Variants in MAGOHB observed in about 807,000 individuals in gnomAD.
MAGOHB encodes the protein protein mago nashi homolog 2.
Under a neutral mutation model 20.9 loss-of-function variants are expected in MAGOHB, and 15 were observed. The ratio of observed to expected loss-of-function variants is 0.72; its 90% CI spans 0.48 to 1.11. MAGOHB has a LOEUF of 1.11. Among genes scored for constraint, MAGOHB ranks in the 50% least tolerant of loss-of-function variants. The probability of loss-of-function intolerance (pLI) is 0.00; values close to 1 mark genes in which losing one functional copy is unlikely to be tolerated. For missense variants in MAGOHB, 162 were observed against 177.6 expected (o/e 0.91, Z 0.50); for synonymous variants, 50 against 57.9 (o/e 0.86, Z 0.62).
At chr12:10,609,411 T>C (rs915612390) in intron 3 of MAGOHB, 4 of 442,190 alleles carry the variant, frequency 9.0e-6, no homozygotes, top group Non-Finnish European at 1.8e-5. Context: ...GGAAATGCAA[T>C]CATCAGTTTT....
At chr12:10,610,021 T>G in intron 2 of MAGOHB, 80 bp from the exon 3 acceptor site, 1 of 713,936 alleles carries the variant, frequency 1.4e-6, no homozygotes, top group Non-Finnish European at 2.3e-6. Context: ...TTACAAACCC[T>G]GAATATCCAA....
intron 1 of MAGOHB, among the ~76,000 whole-genome samples, chr12:10,611,024 G>A (rs181345144): frequency 1.2e-4 from 19 of 152,264 alleles, no homozygotes; most frequent in Non-Finnish European, 2.2e-4. Flanking sequence ...GGTGCTAAGT[G>A]CCTCACCCAG....
Position 10,606,191 on chromosome 12 carries a change from T to C in MAGOHB, c.*84A>G. 1.4e-6 allele frequency: 1 copy of C among 726,496 alleles called. No individual in the cohort carries two copies. Among genetic ancestry groups the C allele is most frequent in the South Asian group, 2.2e-5 (1 of 46,380 alleles). The allele number at this position is 726,496 out of a possible 1,614,324, so 45.0% of individuals were successfully genotyped here. On this transcript the variant is annotated 3_prime_UTR_variant, in exon 5 of 5. Coordinates refer to ENST00000320756, the MANE Select transcript of MAGOHB (RefSeq NM_018048.5). ...ACAAATTTTTTTTGTTTGCTTCACA[T>C]TCATAAAAACCCCAATACTGTAAAT...
At chr12:10,609,751 A>G (rs1452691829) in intron 3 of MAGOHB, 80 bp downstream of exon 3, 2 of 890,010 alleles carry the variant, frequency 2.2e-6, no homozygotes, top group African/African-American at 1.7e-5. Context: ...ACTTAGACTC[A>G]TTCCAAATAA....
At chr12:10,601,219 G>T (rs1432073074), downstream of MAGOHB, among the ~76,000 whole-genome samples, 1 of 152,116 alleles carries the variant, frequency 6.6e-6, no homozygotes, top group African/African-American at 2.4e-5. Flanking sequence ...AAAGGTGACA[G>T]AGATACTGTC....
chr12:10,612,635 T>G (rs990326874), intron 1 of MAGOHB: 1 of 1,135,638 alleles, frequency 8.8e-7, no homozygotes, highest in Non-Finnish European at 1.1e-6. Context: ...TACTCATTAC[T>G]GTACCTTAAA....
intron 4 of MAGOHB, 25 bp downstream of exon 4, chr12:10,607,824 AACTTC>A (rs1212245580): frequency 7.5e-7 from 1 of 1,328,766 alleles, no homozygotes; most frequent in South Asian, 1.3e-5. Context: ...TAATAATGAA[AACTTC>A]GCCAAAATGC....
chr12:10,601,805 G>A (rs1865557779), downstream of MAGOHB, among the ~76,000 whole-genome samples: 1 of 152,156 alleles, frequency 6.6e-6, no homozygotes, highest in Non-Finnish European at 1.5e-5. Flanking sequence ...AGTATCACAC[G>A]CTTCATAGGC....
downstream of MAGOHB, among the ~76,000 whole-genome samples, chr12:10,602,784 T>A (rs554174624): frequency 6.6e-6 from 1 of 152,324 alleles, no homozygotes; most frequent in Non-Finnish European, 1.5e-5. Context: ...TACCGTTAGC[T>A]AGAAGCTTAG....
At chr12:10,612,996 A>G in intron 1 of MAGOHB, 1 of 1,219,354 alleles carries the variant, frequency 8.2e-7, no homozygotes. Context: ...GAACAATTAC[A>G]CGTAAACACC....
chr12:10,601,656 C>G (rs886672997), downstream of MAGOHB, among the ~76,000 whole-genome samples: 6 of 152,188 alleles, frequency 3.9e-5, no homozygotes, highest in African/African-American at 1.4e-4. Context: ...CTAACTACAA[C>G]CTGGCATATA....
In MAGOHB at chr12:10,607,899, A is replaced by G; in HGVS notation, c.302T>C (p.Phe101Ser). 6.3e-7 allele frequency: 1 copy of G among 1,592,312 alleles called. No homozygotes were observed. Among genetic ancestry groups the G allele is most frequent in the Non-Finnish European group, 8.6e-7 (1 of 1,168,414 alleles). ...EIVIGDEHIS[F>S]TTSKIGSLID... ...AAGAGAACCTATTTTTGATGTGGTAAAAGATATGTGCTCATCTCCAATTAC... is the reference window on the plus strand; with the variant it reads ...AAGAGAACCTATTTTTGATGTGGTAGAAGATATGTGCTCATCTCCAATTAC... Residue 101 changes from phenylalanine (F) to serine (S), a missense_variant, in exon 4 of 5, where the codon TTT becomes TCT. By Grantham distance (155) the Phe-to-Ser change is radical (BLOSUM62 -2). Coordinates refer to ENST00000320756, the MANE Select transcript of MAGOHB (RefSeq NM_018048.5).
chr12:10,604,129 T>C (rs1865583020), downstream of MAGOHB: 1 of 152,242 alleles, frequency 6.6e-6, no homozygotes, highest in Non-Finnish European at 1.5e-5. Flanking sequence ...GCTAGGGTTC[T>C]GCACTATCTC....
intron 1 of MAGOHB, among the ~76,000 whole-genome samples, chr12:10,611,197 T>C (rs1301027669): frequency 1.3e-5 from 2 of 152,170 alleles, no homozygotes; most frequent in African/African-American, 4.8e-5. Flanking sequence ...TACACCAAAA[T>C]GTTCTCTTTT....
At position 10,604,872 on chromosome 12, in the gene MAGOHB, A is replaced by G. The variant is rs1433914200; in HGVS notation, c.*1403T>C. On this transcript the variant is annotated 3_prime_UTR_variant, in exon 5 of 5. Transcript: ENST00000320756. ...AGTGCTCCATGGCAAACAGGTTACCAAGCCATGCTCTAGAGCTATACTGTC... is the reference window on the plus strand; with the variant it reads ...AGTGCTCCATGGCAAACAGGTTACCGAGCCATGCTCTAGAGCTATACTGTC... 2.0e-5 allele frequency: 3 copies of G among 152,184 alleles called. No homozygotes were observed. Among genetic ancestry groups the G allele is most frequent in the Admixed American group, 1.3e-4 (2 of 15,284 alleles). 9.4% of individuals were successfully genotyped at this position (152,184 alleles called of 1,614,324 possible).
chr12:10,607,969 T>C (rs1432077528), intron 3 of MAGOHB, 33 bp from the exon 4 acceptor site: 3 of 1,290,012 alleles, frequency 2.3e-6, no homozygotes, highest in South Asian at 1.3e-5. Context: ...GTAGTTAATA[T>C]AAAAATCTAT....
Position 10,609,797 on chromosome 12 carries a change from T to C in MAGOHB, c.264+34A>G, listed in dbSNP as rs549529778. On this transcript the variant is annotated intron_variant, in intron 3 of 4. Coordinates refer to ENST00000320756, the MANE Select transcript of MAGOHB (RefSeq NM_018048.5). ...ACAAAATAGTATTATCAATTTTTAA[T>C]ATTTATACACTTAAAGAATCACTAA... is the stretch of plus-strand genomic sequence containing the variant. 1.0e-4 allele frequency: 134 copies of C among 1,294,472 alleles called. No homozygotes were observed. In the South Asian group the frequency reaches 1.6e-3, roughly 15 times the overall value. The allele number at this position is 1,294,472 out of a possible 1,614,324, so 80.2% of individuals were successfully genotyped here.
Position 10,607,888 on chromosome 12 carries a change from T to C in MAGOHB, c.313A>G (p.Lys105Glu). ...GDEHISFTTS[K>E]IGSLIDVNQS... ...TTTACATCAATAAGAGAACCTATTT[T>C]TGATGTGGTAAAAGATATGTGCTCA... Residue 105 changes from lysine (K) to glutamate (E), a missense_variant, in exon 4 of 5, where the codon AAA (lysine) becomes GAA (glutamate). Coordinates refer to ENST00000320756, the MANE Select transcript of MAGOHB (RefSeq NM_018048.5). 1 of 1,595,476 alleles carries C rather than the reference T, an allele frequency of 6.3e-7. No individual in the cohort carries two copies. The highest frequency in any genetic ancestry group is 1.4e-5 in the African/African-American group (1 of 74,032).
chr12:10,610,577 C>CAAAAAA (rs541042923), intron 2 of MAGOHB, 45 bp downstream of exon 2: 300 of 727,866 alleles, frequency 4.1e-4, no homozygotes, highest in African/African-American at 2.1e-3. Flanking sequence ...GGGCTAAATG[C>CAAAAAA]AAAAAAAAAA....
Sources: allele counts gnomAD v4.1 joint callset (sites outside exome capture counted in the v4.1 genomes callset), GRCh38; gene constraint gnomAD v4.1.1; transcripts MANE v1.5; gene names NCBI Gene and HGNC (gene_info 2026-07-23, HGNC 2026-07-21).